The following CCDC9B variants were observed in gnomAD, a reference collection of about 807,000 sequenced individuals.
The protein encoded by CCDC9B is coiled-coil domain-containing protein 9B.
CCDC9B carries 40 observed loss-of-function variants against 47.2 expected under a neutral mutation model. The ratio of observed to expected loss-of-function variants is 0.85; its 90% CI spans 0.66 to 1.10. The LOEUF (loss-of-function observed/expected upper bound fraction) is 1.10. Ranked by LOEUF, CCDC9B falls within the 50% of genes least tolerant of loss-of-function variation. CCDC9B has a pLI of 0.00. For synonymous variants in CCDC9B, 238 were observed against 250.7 expected, an observed-to-expected ratio of 0.95 and a Z score of 0.48; for missense variants, 662 against 651.0, an observed-to-expected ratio of 1.02 and a Z score of -0.18.
At position 40,340,891 on chromosome 15, in the gene CCDC9B, C is replaced by T. The variant is rs1256093819; in HGVS notation, c.-72G>A. On this transcript the variant is annotated 5_prime_UTR_variant, in exon 1 of 11. It adds an upstream start codon to the 5' untranslated region. Coordinates refer to ENST00000397536, the MANE Select transcript of CCDC9B (RefSeq NM_207380.3). The stretch of plus-strand genomic sequence containing the variant: ...CAGAGTGGGAGGAAAGCTGGAGCCA[C>T]CGGAGCCGGGCCTCTGCCGGCCTCT... 3 of 1,608,314 alleles carry T rather than the reference C, an allele frequency of 1.9e-6. No homozygotes were observed. The highest frequency in any genetic ancestry group is 1.3e-5 in the African/African-American group (1 of 74,650).
Position 40,337,739 on chromosome 15 carries a change from T to G in CCDC9B, c.668A>C (p.Asp223Ala). The G allele has an allele frequency of 6.2e-7, 1 of 1,602,722 alleles. No homozygotes were observed. The highest frequency in any genetic ancestry group is 1.1e-5 in the South Asian group (1 of 90,146). Reference protein sequence around the residue: ...QGDWRRPWDLDKAKSTLQDCS... With the variant: ...QGDWRRPWDLAKAKSTLQDCS... ...AGCCACCCACGTGGACTTGGCCTTG[T>G]CCAGGTCCCACGGGCGGCGCCAGTC... The change falls in exon 6 of 11, where the codon GAC becomes GCC. Residue 223 changes from aspartate (D) to alanine (A), a missense_variant. Coordinates refer to ENST00000397536, the MANE Select transcript of CCDC9B (RefSeq NM_207380.3).
rs756462143 is a variant in CCDC9B at position 40,332,304 on chromosome 15, C to G, written c.*2854G>C. 6.6e-6 allele frequency: 1 copy of G among 152,194 alleles called. No individual in the cohort carries two copies. Among genetic ancestry groups the G allele is most frequent in the Admixed American group, 6.5e-5 (1 of 15,284 alleles). 9.4% of individuals were successfully genotyped at this position (152,194 alleles called of 1,614,324 possible). ...GGTGGCAACCATCCGGACTGATAGCCGGGGGTTACCACCATAACTACCACT... is the reference window on the plus strand; with the variant it reads ...GGTGGCAACCATCCGGACTGATAGCGGGGGGTTACCACCATAACTACCACT... On this transcript the variant is annotated 3_prime_UTR_variant, in exon 11 of 11. Coordinates refer to ENST00000397536, the MANE Select transcript of CCDC9B (RefSeq NM_207380.3).
chr15:40,336,726 G>C, intron 8 of CCDC9B, 34 bp downstream of exon 8: 1 of 1,601,318 alleles, frequency 6.2e-7, no homozygotes, highest in African/African-American at 1.3e-5. Flanking sequence ...ATCTTTAGCT[G>C]ACGAGACCTG....
intron 9 of CCDC9B, 127 bp downstream of exon 9, chr15:40,336,447 C>T (rs1482357443): frequency 2.8e-6 from 4 of 1,448,322 alleles, no homozygotes; most frequent in Non-Finnish European, 1.8e-6. Flanking sequence ...ATCTCATTAA[C>T]CTGCCAGGCA....
Position 40,335,216 on chromosome 15 carries a change from C to T in CCDC9B, c.1415G>A (p.Arg472Lys). Residue 472 changes from arginine (R) to lysine (K), a missense_variant, in exon 11 of 11, where the codon AGA (arginine) becomes AAA (lysine). Coordinates refer to ENST00000397536, the MANE Select transcript of CCDC9B (RefSeq NM_207380.3). ...CCTGCGCCTCACACCTGCTGTGCCT[C>T]TCGACCTTTGGCTGCCTCCTCTCGT... ...RPTRGGSQRS[R>K]GTAGVRRRTG... 6.4e-7 allele frequency: 1 copy of T among 1,573,712 alleles called. No homozygotes were observed.
intron 9 of CCDC9B, chr15:40,336,274 C>A (rs1188703340): frequency 1.0e-6 from 1 of 985,340 alleles, no homozygotes. Flanking sequence ...TATGGCCAAA[C>A]TTGCAGCACC....
intron 5 of CCDC9B, 89 bp downstream of exon 5, chr15:40,338,446 C>A: frequency 6.8e-7 from 1 of 1,473,374 alleles, no homozygotes; most frequent in Non-Finnish European, 9.3e-7. Flanking sequence ...CACGTCCCCG[C>A]AAATGAGGGA....
chr15:40,339,094 G>T, intron 3 of CCDC9B, 191 bp from the exon 4 acceptor site: 1 of 673,276 alleles, frequency 1.5e-6, no homozygotes, highest in Non-Finnish European at 2.6e-6. Context: ...CCACCCAGCG[G>T]CCCAAGATGC....
In CCDC9B at chr15:40,335,279, G is replaced by A. The variant is rs1888931367; in HGVS notation, c.1352C>T (p.Ser451Phe). 1.2e-6 allele frequency: 2 copies of A among 1,609,064 alleles called. No individual in the cohort carries two copies. The highest frequency in any genetic ancestry group is 1.1e-5 in the South Asian group (1 of 90,898). Residue 451 changes from serine (S) to phenylalanine (F), a missense_variant, in exon 11 of 11, where the codon TCT (serine) becomes TTT (phenylalanine). Ser to Phe is a radical substitution (Grantham distance 155, BLOSUM62 -2). Transcript: ENST00000397536. Reference sequence around the variant, plus strand: ...CGGGGCCAGGCCCTGCTGGGCCCCAGACTTGCCAGACCTGTCTTCTCCGGG... The same window carrying A: ...CGGGGCCAGGCCCTGCTGGGCCCCAAACTTGCCAGACCTGTCTTCTCCGGG... ...PEPGEDRSGKSGAQQGLAPRS... is the reference protein window; with the variant it reads ...PEPGEDRSGKFGAQQGLAPRS...
rs75470487 is a variant in CCDC9B at position 40,337,793 on chromosome 15, C to A, written c.614G>T (p.Arg205Leu). ...CTGTGCGTCTCTGTGCCGGGCGAGGCGGGCTAGGTCGATCTGCTCCCGCTC... is the reference window on the plus strand; with the variant it reads ...CTGTGCGTCTCTGTGCCGGGCGAGGAGGGCTAGGTCGATCTGCTCCCGCTC... Reference protein sequence around the residue: ...KQEREQIDLARLARHRDAQGD... With the variant: ...KQEREQIDLALLARHRDAQGD... Residue 205 changes from arginine to leucine, a missense_variant, in exon 6 of 11, where the codon CGC becomes CTC. Coordinates refer to ENST00000397536, the MANE Select transcript of CCDC9B (RefSeq NM_207380.3). The A allele has an allele frequency of 1.9e-6, 3 of 1,609,920 alleles. No individual in the cohort carries two copies. Among genetic ancestry groups the A allele is most frequent in the Non-Finnish European group, 2.5e-6 (3 of 1,179,800 alleles).
chr15:40,337,464 G>T lies in CCDC9B; in HGVS notation c.684-18C>A. 6.5e-7 allele frequency: 1 copy of T among 1,539,954 alleles called. No individual in the cohort carries two copies. The highest frequency in any genetic ancestry group is 8.7e-7 in the Non-Finnish European group (1 of 1,145,242). ...CCTGTAGCCTGTGTAGACAGAGGGAGTCAGGTTGCTGGTGCACAGAAGCTG... is the reference window on the plus strand; with the variant it reads ...CCTGTAGCCTGTGTAGACAGAGGGATTCAGGTTGCTGGTGCACAGAAGCTG... On this transcript the variant is annotated intron_variant, in intron 6 of 10. Coordinates refer to ENST00000397536, the MANE Select transcript of CCDC9B (RefSeq NM_207380.3).
intron 2 of CCDC9B, 56 bp from the exon 3 acceptor site, chr15:40,339,675 T>C (rs1252699656): frequency 6.2e-6 from 10 of 1,603,796 alleles, no homozygotes; most frequent in South Asian, 1.1e-5. Flanking sequence ...CACAGAGACA[T>C]AGATGCTGAT....
At chr15:40,337,276 G>A (rs775177434) in intron 7 of CCDC9B, 112 bp downstream of exon 7, 11 of 1,019,268 alleles carry the variant, frequency 1.1e-5, no homozygotes, top group East Asian at 4.9e-5. Flanking sequence ...GTTCTCCAAC[G>A]CTTCCTTTCA....
Position 40,335,596 on chromosome 15 carries a change from G to C in CCDC9B, c.1035C>G (p.Ala345=). Residue 345 remains alanine (A), a synonymous_variant, in exon 11 of 11, where the codon GCC becomes GCG. Transcript: ENST00000397536. ...CCTTCGGCCCCTCTGGGGATGCCAGGGCTGGGCTGGCTGCAGGGGCGCTCC... is the reference window on the plus strand; with the variant it reads ...CCTTCGGCCCCTCTGGGGATGCCAGCGCTGGGCTGGCTGCAGGGGCGCTCC... ...RLGSAPAASP[A]LASPEGPKGE... is the part of the protein sequence containing the mutation. The C allele has an allele frequency of 6.7e-7, 1 of 1,499,380 alleles. No individual in the cohort carries two copies. The highest frequency in any genetic ancestry group is 1.3e-5 in the South Asian group (1 of 74,404). 92.9% of individuals were successfully genotyped at this position (1,499,380 alleles called of 1,614,324 possible).
intron 1 of CCDC9B, chr15:40,340,242 C>T: frequency 1.8e-6 from 1 of 564,600 alleles, no homozygotes; most frequent in Non-Finnish European, 3.1e-6. Context: ...GTCAGGGCCT[C>T]ATACCCCAAG....
At chr15:40,340,780 C>G in intron 1 of CCDC9B, 28 bp downstream of exon 1, 3 of 1,595,414 alleles carry the variant, frequency 1.9e-6, no homozygotes, top group Non-Finnish European at 2.6e-6. Flanking sequence ...CCCAAGAAGC[C>G]CCCTGCCAAA....
rs1888966782 is a variant in CCDC9B at position 40,336,678 on chromosome 15, T to C, written c.797-14A>G. 4 of 1,610,558 alleles carry C rather than the reference T, an allele frequency of 2.5e-6. No individual in the cohort carries two copies. In the African/African-American group the frequency reaches 4.0e-5, roughly 16 times the overall value. ...GCCCGCCCCGACCTGCAAGAGATGG[T>C]CGGCCAAGGAGAGAAGAGGCCCATA... On this transcript the variant is annotated splice_polypyrimidine_tract_variant and intron_variant, in intron 8 of 10. Coordinates refer to ENST00000397536, the MANE Select transcript of CCDC9B (RefSeq NM_207380.3).
chr15:40,338,515 A>G lies in CCDC9B; in HGVS notation c.513+20T>C, dbSNP rs1889016086. The G allele has an allele frequency of 1.9e-6, 3 of 1,611,114 alleles. No homozygotes were observed. Among genetic ancestry groups the G allele is most frequent in the Non-Finnish European group, 1.7e-6 (2 of 1,178,080 alleles). On this transcript the variant is annotated intron_variant, in intron 5 of 10. Coordinates refer to ENST00000397536, the MANE Select transcript of CCDC9B (RefSeq NM_207380.3). ...TGAGGACCTTCAGATCCATGTCCCC[A>G]TCCCCTCTTGAAGACACACCTTCCG...
At position 40,340,924 on chromosome 15, in the gene CCDC9B, GGCTTC is replaced by G. The variant is rs1566908974; in HGVS notation, c.-110_-106del. On this transcript the variant is annotated 5_prime_UTR_variant, in exon 1 of 11. Transcript: ENST00000397536. ...GGGCCTCTGCCGGCCTCTCCCTGCC[GGCTTC>G]GCTGCTCAGCACACGAGATCATGTT... 6.2e-7 allele frequency: 1 copy of G among 1,607,800 alleles called. No individual in the cohort carries two copies. Among genetic ancestry groups the G allele is most frequent in the East Asian group, 2.2e-5 (1 of 44,584 alleles).
Sources: gnomAD v4.1 joint callset for allele counts on GRCh38, gnomAD v4.1.1 for gene constraint, MANE v1.5 for transcripts, NCBI Gene and HGNC (gene_info 2026-07-23, HGNC 2026-07-21) for gene names.